The following CYRIB variants were observed in gnomAD, a reference collection of about 807,000 sequenced individuals.
CYRIB encodes CYFIP related Rac1 interactor B.
Under a neutral mutation model 44.2 loss-of-function variants are expected in CYRIB, and 8 were observed. That is an observed-to-expected ratio of 0.18 (90% CI 0.11 to 0.33). The LOEUF is 0.33. Ranked by LOEUF, CYRIB falls within the 10% of genes least tolerant of loss-of-function variation. The probability of loss-of-function intolerance (pLI) is 1.00; values close to 1 mark genes in which losing one functional copy is unlikely to be tolerated. For synonymous variants in CYRIB, 131 were observed against 127.2 expected (o/e 1.03, Z -0.20); for missense variants, 185 against 382.8 (o/e 0.48, Z 4.31).
At chr8:129,888,445 T>C (rs1357931672) in intron 2 of CYRIB, among the ~76,000 whole-genome samples, 1 of 152,150 alleles carries the variant, frequency 6.6e-6, no homozygotes, top group Non-Finnish European at 1.5e-5. Context: ...TCTTACACAA[T>C]CTGCTCCGAC....
chr8:130,006,172 C>T (rs2097057130), intron 1 of CYRIB, among the ~76,000 whole-genome samples: 1 of 151,634 alleles, frequency 6.6e-6, no homozygotes, highest in Non-Finnish European at 1.5e-5. Context: ...GCATGGTGGT[C>T]CACACCTGTG....
intron 5 of CYRIB, among the ~76,000 whole-genome samples, 183 bp downstream of exon 7, chr8:129,862,046 G>A (rs1357329227): frequency 6.6e-6 from 1 of 152,088 alleles, no homozygotes; most frequent in Non-Finnish European, 1.5e-5. Flanking sequence ...TGGTCTAAAT[G>A]AATTAAAAGG....
At chr8:129,854,564 TTTCAG>T (rs1214389129) in intron 6 of CYRIB, among the ~76,000 whole-genome samples, 1 of 152,226 alleles carries the variant, frequency 6.6e-6, no homozygotes, top group African/African-American at 2.4e-5. Flanking sequence ...TCCCTTTTCT[TTTCAG>T]TTAATTTCAG....
chr8:129,977,734 G>C (rs559571394), intron 1 of CYRIB, among the ~76,000 whole-genome samples: 4 of 151,998 alleles, frequency 2.6e-5, no homozygotes, highest in Non-Finnish European at 4.4e-5. Flanking sequence ...GGGTTTCACC[G>C]TGTTAGCCAG....
intron 1 of CYRIB, among the ~76,000 whole-genome samples, chr8:129,907,187 C>G (rs1323225471): frequency 9.9e-5 from 15 of 152,204 alleles, no homozygotes; most frequent in Admixed American, 8.5e-4. Context: ...ATAGCAAAGA[C>G]TTGGAACCAA....
intron 1 of CYRIB, among the ~76,000 whole-genome samples, chr8:129,929,841 T>G (rs1029894930): frequency 1.3e-5 from 2 of 152,164 alleles, no homozygotes; most frequent in Non-Finnish European, 2.9e-5. Context: ...ATAAATTGTT[T>G]TAGGGTACCG....
chr8:129,858,655 T>C (rs543896416), intron 5 of CYRIB, among the ~76,000 whole-genome samples: 54 of 152,272 alleles, frequency 3.5e-4, no homozygotes, highest in African/African-American at 1.3e-3. Flanking sequence ...CGGTGGGCAT[T>C]TGGGGCCTTT....
intron 1 of CYRIB, among the ~76,000 whole-genome samples, chr8:129,980,283 C>T (rs561014408): frequency 6.6e-6 from 1 of 151,588 alleles, no homozygotes; most frequent in African/African-American, 2.4e-5. Flanking sequence ...GTACTTGCAG[C>T]TCTATGTCCA....
intron 2 of CYRIB, among the ~76,000 whole-genome samples, chr8:129,882,899 T>A (rs2061312688): frequency 6.6e-6 from 1 of 151,920 alleles, no homozygotes; most frequent in African/African-American, 2.4e-5. Flanking sequence ...AACACTTAGT[T>A]TGAAAATGGC....
rs566751081 is a variant in CYRIB, at chr8:129,976,103, T to A, written c.-295-5108A>T. Among the ~76,000 whole-genome samples the A allele has an allele frequency of 4.9e-4, 74 of 152,216 alleles. No homozygotes were observed. The South Asian group carries it at 0.014, about 29-fold the overall frequency. On this transcript the variant is annotated intron_variant, in intron 1 of 14. Transcript: ENST00000401979. Reference sequence around the variant, plus strand: ...AAATGTTAATTAAACAAAAAAAAAATTTAAATAATTACTCCTTCCCCTCAG... The same window carrying A: ...AAATGTTAATTAAACAAAAAAAAAAATTAAATAATTACTCCTTCCCCTCAG...
intron 3 of CYRIB, among the ~76,000 whole-genome samples, chr8:129,872,419 C>T (rs778984359): frequency 8.5e-5 from 13 of 152,092 alleles, no homozygotes; most frequent in African/African-American, 1.2e-4. Context: ...ATGACTAAAT[C>T]TGGATTTCTC....
At chr8:129,849,393 T>C (rs375317298) in intron 9 of CYRIB, 24 bp from the exon 12 acceptor site, 12 of 1,581,400 alleles carry the variant, frequency 7.6e-6, no homozygotes, top group Middle Eastern at 1.7e-4. Context: ...AAGATATGCA[T>C]GGAAGAAGTG....
chr8:129,879,491 A>T lies in CYRIB; in HGVS notation c.-10-20T>A. 6.6e-7 allele frequency: 1 copy of T among 1,521,494 alleles called. No homozygotes were observed. Among genetic ancestry groups the T allele is most frequent in the Non-Finnish European group, 9.0e-7 (1 of 1,117,014 alleles). 94.2% of individuals were successfully genotyped at this position (1,521,494 alleles called of 1,614,324 possible). A position where few individuals can be genotyped will look rare whatever the true frequency, so the allele number is the denominator to read the frequency against. ...AGGTACCTGTCAAGACAAGAATGAG[A>T]AAAGAGAAAATATCCCTTTATAAAA... is the stretch of plus-strand genomic sequence containing the variant. On this transcript the variant is annotated intron_variant, in intron 2 of 11. Transcript: ENST00000519824.
intron 1 of CYRIB, among the ~76,000 whole-genome samples, chr8:129,993,486 C>A (rs1592010567): frequency 6.6e-6 from 1 of 152,030 alleles, no homozygotes; most frequent in African/African-American, 2.4e-5. Flanking sequence ...CACTTGAGGT[C>A]AGGAGTTCAA....
At chr8:129,926,175 C>T (rs996994289) in intron 1 of CYRIB, among the ~76,000 whole-genome samples, 1 of 152,158 alleles carries the variant, frequency 6.6e-6, no homozygotes, top group Admixed American at 6.6e-5. Context: ...TCTAAATTTT[C>T]CATGAAAAGC....
intron 1 of CYRIB, among the ~76,000 whole-genome samples, chr8:130,012,295 G>A (rs971430815): frequency 2.6e-5 from 4 of 152,142 alleles, no homozygotes; most frequent in South Asian, 2.1e-4. Context: ...TCCATTCAGC[G>A]GAAGCGCCAC....
At chr8:129,852,184 G>T in exon 8 of CYRIB, 1 of 1,552,578 alleles carries the variant, frequency 6.4e-7, no homozygotes, top group Non-Finnish European at 8.7e-7. Flanking sequence ...TTTTGTTGTG[G>T]CATCACTCAA....
chr8:130,007,639 C>G (rs900534297), intron 1 of CYRIB, among the ~76,000 whole-genome samples: 10 of 152,036 alleles, frequency 6.6e-5, no homozygotes, highest in African/African-American at 2.4e-4. Context: ...ACAACATTAG[C>G]TGGGCGTGGT....
chr8:130,004,178 ACC>A (rs1332561606), intron 1 of CYRIB, among the ~76,000 whole-genome samples: 1 of 152,110 alleles, frequency 6.6e-6, no homozygotes, highest in African/African-American at 2.4e-5. Context: ...CACAGGTAAC[ACC>A]CCCACTGGGT....
Sources: allele counts gnomAD v4.1 joint callset (sites outside exome capture counted in the v4.1 genomes callset), GRCh38; gene constraint gnomAD v4.1.1; transcripts MANE v1.5; gene names NCBI Gene and HGNC (gene_info 2026-07-23, HGNC 2026-07-21).